Variants in ARHGAP10 observed in about 807,000 individuals in gnomAD.
ARHGAP10 encodes the protein Rho GTPase activating protein 10.
A neutral mutation model predicts 108.6 loss-of-function variants in ARHGAP10; 87 were observed. The ratio of observed to expected loss-of-function variants is 0.80; its 90% CI spans 0.67 to 0.96. The LOEUF is 0.96. Ranked by LOEUF, ARHGAP10 falls within the 40% of genes least tolerant of loss-of-function variation. ARHGAP10 has a pLI of 0.00. For synonymous variants in ARHGAP10, 347 were observed against 341.1 expected (o/e 1.02, Z -0.19); for missense variants, 939 against 954.5 (o/e 0.98, Z 0.21).
chr4:147,738,238 CTG>C lies in ARHGAP10; in HGVS notation c.154+5787_154+5788del, dbSNP rs554469329. 3.5e-4 allele frequency among the ~76,000 whole-genome samples: 53 copies of C among 152,268 alleles called. No individual in the cohort carries two copies. The South Asian group carries it at 0.011, about 31-fold the overall frequency. ...CTCAAGCTGCTTAGCTTTTCTATAT[CTG>C]TGTTCTCGTCAGTAAAATAGAAATT... On this transcript the variant is annotated intron_variant, in intron 1 of 22. Coordinates refer to ENST00000336498, the MANE Select transcript of ARHGAP10 (RefSeq NM_024605.4).
intron 6 of ARHGAP10, chr4:147,865,985 G>A (rs547804522): frequency 7.2e-5 from 11 of 152,340 alleles, no homozygotes; most frequent in Admixed American, 5.2e-4. Flanking sequence ...GTAGAGAAAG[G>A]CTGAGTAATT....
chr4:147,993,183 T>C (rs1740343717), intron 18 of ARHGAP10, among the ~76,000 whole-genome samples: 2 of 152,230 alleles, frequency 1.3e-5, no homozygotes, highest in South Asian at 4.1e-4. Context: ...AAGTTTTTCT[T>C]GATATGACAG....
At chr4:147,931,355 G>C (rs544100137) in intron 13 of ARHGAP10, among the ~76,000 whole-genome samples, 1 of 151,062 alleles carries the variant, frequency 6.6e-6, no homozygotes, top group East Asian at 1.9e-4. Flanking sequence ...CATTGACCAG[G>C]TTACAAATTT....
intron 18 of ARHGAP10, among the ~76,000 whole-genome samples, chr4:147,985,380 A>G (rs1287091075): frequency 6.6e-6 from 1 of 152,130 alleles, no homozygotes; most frequent in African/African-American, 2.4e-5. Flanking sequence ...GCTGCACCAT[A>G]ACCTCAGGAG....
chr4:148,017,360 C>T (rs1157861054), intron 18 of ARHGAP10, among the ~76,000 whole-genome samples: 1 of 152,056 alleles, frequency 6.6e-6, no homozygotes, highest in Non-Finnish European at 1.5e-5. Context: ...TAAGTCAAAG[C>T]AACATCAAAT....
At chr4:147,820,478 T>C (rs1732441844) in intron 1 of ARHGAP10, among the ~76,000 whole-genome samples, 1 of 150,216 alleles carries the variant, frequency 6.7e-6, no homozygotes, top group African/African-American at 2.5e-5. Context: ...TAGAGATGGG[T>C]TTTCACTATG....
Position 147,898,204 on chromosome 4 carries a change from A to T in ARHGAP10, c.1035-8434A>T, listed in dbSNP as rs62330735. On this transcript the variant is annotated intron_variant, in intron 10 of 22. Coordinates refer to ENST00000336498, the MANE Select transcript of ARHGAP10 (RefSeq NM_024605.4). Reference sequence around the variant, plus strand: ...CCTTAGGCTGCATTTCTTGTAATGCAGGTCTGCTAGAGAAGATTTCTTTCC... The same window carrying T: ...CCTTAGGCTGCATTTCTTGTAATGCTGGTCTGCTAGAGAAGATTTCTTTCC... Among the ~76,000 whole-genome samples the T allele has an allele frequency of 4.6e-5, 7 of 151,978 alleles. No homozygotes were observed. The East Asian group carries it at 1.2e-3, about 25-fold the overall frequency.
At chr4:147,992,173 C>T (rs1170467109) in intron 18 of ARHGAP10, among the ~76,000 whole-genome samples, 1 of 152,194 alleles carries the variant, frequency 6.6e-6, no homozygotes, top group Admixed American at 6.5e-5. Flanking sequence ...CCCTGGAGGG[C>T]AGAATCAGCT....
chr4:147,741,256 C>T (rs1050272859), intron 1 of ARHGAP10, among the ~76,000 whole-genome samples: 2 of 152,124 alleles, frequency 1.3e-5, no homozygotes, highest in South Asian at 4.1e-4. Context: ...AGGATACTAG[C>T]TTTCAAAACA....
intron 10 of ARHGAP10, among the ~76,000 whole-genome samples, chr4:147,900,348 A>G (rs2126899219): frequency 6.6e-6 from 1 of 152,330 alleles, no homozygotes; most frequent in Middle Eastern, 3.4e-3. Context: ...GAATTTAAGA[A>G]CTTGTTTAAT....
intron 1 of ARHGAP10, among the ~76,000 whole-genome samples, chr4:147,791,669 C>G (rs943728397): frequency 1.3e-5 from 2 of 152,156 alleles, no homozygotes; most frequent in African/African-American, 4.8e-5. Context: ...CCTGTAACTT[C>G]CGCCTCCTGG....
intron 1 of ARHGAP10, among the ~76,000 whole-genome samples, chr4:147,811,673 G>A (rs1732027299): frequency 6.6e-6 from 1 of 151,394 alleles, no homozygotes. Context: ...TGTTTTATGT[G>A]CAACTGCATA....
intron 7 of ARHGAP10, among the ~76,000 whole-genome samples, chr4:147,873,700 A>G (rs916921453): frequency 1.5e-4 from 23 of 149,102 alleles, no homozygotes; most frequent in Non-Finnish European, 2.7e-4. Context: ...ACACACACAC[A>G]CACACACACA....
chr4:147,805,082 T>C (rs1400735447), intron 1 of ARHGAP10, among the ~76,000 whole-genome samples: 5 of 152,232 alleles, frequency 3.3e-5, no homozygotes, highest in African/African-American at 1.2e-4. Context: ...TCCTAGGTTT[T>C]CTTCAAGAGT....
chr4:148,053,582 G>T (rs1486255141), intron 20 of ARHGAP10, among the ~76,000 whole-genome samples: 2 of 152,064 alleles, frequency 1.3e-5, no homozygotes, highest in Non-Finnish European at 2.9e-5. Flanking sequence ...TATGATATTC[G>T]GTTGTCTCCC....
chr4:147,954,824 CATCTT>C (rs1335865112), intron 15 of ARHGAP10, among the ~76,000 whole-genome samples: 3 of 151,922 alleles, frequency 2.0e-5, no homozygotes, highest in African/African-American at 4.8e-5. Context: ...TTTCATCTCT[CATCTT>C]ATAGGAATAA....
intron 18 of ARHGAP10, among the ~76,000 whole-genome samples, chr4:148,021,269 C>A (rs372341198): frequency 3.9e-5 from 6 of 152,146 alleles, no homozygotes; most frequent in African/African-American, 1.4e-4. Flanking sequence ...CCTCACCCCC[C>A]ACACCCTTTC....
intron 13 of ARHGAP10, among the ~76,000 whole-genome samples, chr4:147,934,675 A>G (rs1737856851): frequency 6.6e-6 from 1 of 152,248 alleles, no homozygotes; most frequent in African/African-American, 2.4e-5. Flanking sequence ...GCTCTCTACA[A>G]AAAATAGATT....
rs115712360 is a variant in ARHGAP10, at chr4:148,062,009, G to T, written c.2028-1139G>T. ...AGGAAGGGCAAGATTAGAGCAGGGCGGGGAGCTTGAGAGGAAAGGCAAAGC... is the reference window on the plus strand; with the variant it reads ...AGGAAGGGCAAGATTAGAGCAGGGCTGGGAGCTTGAGAGGAAAGGCAAAGC... On this transcript the variant is annotated intron_variant, in intron 20 of 22. Coordinates refer to ENST00000336498, the MANE Select transcript of ARHGAP10 (RefSeq NM_024605.4). Among the ~76,000 whole-genome samples, 869 of 152,260 alleles carry T rather than the reference G, an allele frequency of 5.7e-3. 9 individuals are homozygous for T. The highest frequency in any genetic ancestry group is 0.02 in the African/African-American group (824 of 41,548).
Sources: allele counts gnomAD v4.1 joint callset (sites outside exome capture counted in the v4.1 genomes callset), GRCh38; gene constraint gnomAD v4.1.1; transcripts MANE v1.5; gene names NCBI Gene and HGNC (gene_info 2026-07-23, HGNC 2026-07-21).